The following TP73 variants were observed in gnomAD, a reference collection of about 807,000 sequenced individuals.
TP73 encodes p53-like transcription factor.
TP73 carries 25 observed loss-of-function variants against 62.5 expected under a neutral mutation model. The ratio of observed to expected loss-of-function variants is 0.40; its 90% CI spans 0.29 to 0.56. The LOEUF (loss-of-function observed/expected upper bound fraction) is 0.56. Ranked by LOEUF, TP73 falls within the 20% of genes least tolerant of loss-of-function variation. The pLI is 0.46. For synonymous variants in TP73, 423 were observed against 377.5 expected (o/e 1.12, Z -1.40); for missense variants, 754 against 913.3 (o/e 0.83, Z 2.25).
rs1645008958 is a variant in TP73, at chr1:3,662,168, C to G, written c.-34+9527C>G. On this transcript the variant is annotated intron_variant, in intron 1 of 13. Transcript: ENST00000378295. This position sits in a 1 kb window ranked among gnomAD's most constrained non-coding sequence, Gnocchi z 4.4. ...GACCAGGCACCTGCTGGAGCAGGAA[C>G]TCTTCCTTCACCGGCTTCTGTTGGG... The G allele has an allele frequency of 6.6e-6, 1 of 152,204 alleles. No homozygotes were observed. Among genetic ancestry groups the G allele is most frequent in the Non-Finnish European group, 1.5e-5 (1 of 68,058 alleles). The allele number at this position is 152,204 out of a possible 1,614,324, so 9.4% of individuals were successfully genotyped here.
rs984839589 is a variant in TP73 at position 3,690,648 on chromosome 1, G to C, written c.186+7468G>C. ...GGATGAATACTCATGAGGAATAAAG[G>C]GGTGGGCCGCGGGTTTTGTTGTTGG... is the stretch of plus-strand genomic sequence containing the variant. On this transcript the variant is annotated intron_variant, in intron 3 of 13. Transcript: ENST00000378295. 16 of 1,390,066 alleles carry C rather than the reference G, an allele frequency of 1.2e-5. No homozygotes were observed. In the South Asian group the frequency reaches 2.4e-4, roughly 21 times the overall value. 86.1% of individuals were successfully genotyped at this position (1,390,066 alleles called of 1,614,324 possible).
At chr1:3,706,498 G>A (rs1199480502) in intron 3 of TP73, among the ~76,000 whole-genome samples, 4 of 150,702 alleles carry the variant, frequency 2.7e-5, no homozygotes, top group African/African-American at 9.8e-5. Flanking sequence ...CACGGTGCCC[G>A]CCGCAGGCCC....
At chr1:3,704,928 G>A (rs970090941) in intron 3 of TP73, among the ~76,000 whole-genome samples, 1 of 152,242 alleles carries the variant, frequency 6.6e-6, no homozygotes, top group Non-Finnish European at 1.5e-5. Context: ...AGGAGCAGGA[G>A]TAGCCTTTCT....
chr1:3,691,799 C>T (rs908842698), intron 3 of TP73, among the ~76,000 whole-genome samples: 5 of 152,192 alleles, frequency 3.3e-5, no homozygotes, highest in South Asian at 2.1e-4. Context: ...CAGGGGGCAG[C>T]GGGCAGATAG....
chr1:3,713,644 C>CCCTG (rs1345673144), intron 4 of TP73, among the ~76,000 whole-genome samples: 1 of 152,188 alleles, frequency 6.6e-6, no homozygotes, highest in East Asian at 1.9e-4. Flanking sequence ...GAGGCCCAGC[C>CCCTG]CCTGCCTCTG....
chr1:3,658,012 G>A (rs1357109737), intron 1 of TP73, among the ~76,000 whole-genome samples: 3 of 152,362 alleles, frequency 2.0e-5, no homozygotes, highest in Admixed American at 1.3e-4. Context: ...CGGTCTGCGC[G>A]GAAGGGTCTG....
intron 9 of TP73, among the ~76,000 whole-genome samples, chr1:3,729,109 T>C (rs757971333): frequency 1.3e-5 from 2 of 152,220 alleles, no homozygotes; most frequent in African/African-American, 2.4e-5. Context: ...GGCATGGTTC[T>C]TGGGGACAGG....
chr1:3,708,875 G>A (rs111649424), intron 4 of TP73, among the ~76,000 whole-genome samples: 60 of 152,304 alleles, frequency 3.9e-4, no homozygotes, highest in African/African-American at 1.2e-3. Context: ...CCTCCCCCAC[G>A]AGGCCCCGCC....
intron 3 of TP73, among the ~76,000 whole-genome samples, chr1:3,697,798 T>C (rs577249985): frequency 3.9e-4 from 59 of 152,350 alleles, no homozygotes; most frequent in African/African-American, 1.4e-3. Context: ...AGAGCGGGGC[T>C]GGGTGATTCC....
chr1:3,656,923 C>A (rs1030342139), intron 1 of TP73, among the ~76,000 whole-genome samples: 2 of 152,206 alleles, frequency 1.3e-5, no homozygotes, highest in Non-Finnish European at 2.9e-5. Context: ...CCAGTGGGAA[C>A]CACTGATATT....
intron 3 of TP73, among the ~76,000 whole-genome samples, chr1:3,697,741 G>A (rs1215447936): frequency 6.6e-6 from 1 of 152,216 alleles, no homozygotes; most frequent in Non-Finnish European, 1.5e-5. Context: ...TGCACTGGGC[G>A]GGACCATCCG....
intron 1 of TP73, among the ~76,000 whole-genome samples, chr1:3,655,343 C>G (rs1644843298): frequency 1.3e-5 from 2 of 152,114 alleles, no homozygotes; most frequent in Admixed American, 1.3e-4. Context: ...GCCGAGATCA[C>G]CCCACTGCAC....
intron 7 of TP73, 192 bp from the exon 8 acceptor site, chr1:3,727,436 G>A (rs1319730460): frequency 1.0e-6 from 1 of 977,726 alleles, no homozygotes; most frequent in Non-Finnish European, 1.5e-6. Context: ...CCCCGGCGAG[G>A]TCTCAGGGCA....
At chr1:3,690,817 C>T (rs916325378) in intron 3 of TP73, 37 of 1,540,304 alleles carry the variant, frequency 2.4e-5, no homozygotes, top group Non-Finnish European at 2.9e-5. Flanking sequence ...CGGCCACGAC[C>T]GTGACCCTTC....
rs1311114060 is a variant in TP73 at position 3,666,567 on chromosome 1, G to T, written c.-34+13926G>T. On this transcript the variant is annotated intron_variant, in intron 1 of 13. Coordinates refer to ENST00000378295, the MANE Select transcript of TP73 (RefSeq NM_005427.4). The surrounding 1 kb of genome is among the most constrained non-coding windows in gnomAD (Gnocchi z 6.4). ...TGACAGTGAAGGTGGGTGCGTGGGC[G>T]GGGGGCTTTTAATGGTCCCTCTGCT... is the stretch of plus-strand genomic sequence containing the variant. 6.6e-6 allele frequency among the ~76,000 whole-genome samples: 1 copy of T among 152,076 alleles called. No individual in the cohort carries two copies. Among genetic ancestry groups the T allele is most frequent in the African/African-American group, 2.4e-5 (1 of 41,396 alleles).
chr1:3,729,521 G>C (rs989984102), intron 10 of TP73, 73 bp downstream of exon 10: 1 of 1,605,046 alleles, frequency 6.2e-7, no homozygotes, highest in Non-Finnish European at 8.5e-7. Flanking sequence ...AAGGCCAGGA[G>C]GACCAGAAAC....
chr1:3,720,298 G>A (rs1285949985), intron 4 of TP73, among the ~76,000 whole-genome samples: 1 of 152,220 alleles, frequency 6.6e-6, no homozygotes, highest in Non-Finnish European at 1.5e-5. Context: ...AAACAGGACT[G>A]GGGATGGGCG....
At chr1:3,700,948 T>C (rs1003292185) in intron 3 of TP73, among the ~76,000 whole-genome samples, 1 of 152,156 alleles carries the variant, frequency 6.6e-6, no homozygotes, top group Non-Finnish European at 1.5e-5. Flanking sequence ...TCCTGGCCGG[T>C]GAGGACAAAG....
At chr1:3,685,737 T>C (rs1369859090) in intron 3 of TP73, among the ~76,000 whole-genome samples, 2 of 152,192 alleles carry the variant, frequency 1.3e-5, no homozygotes, top group Admixed American at 1.3e-4. Flanking sequence ...AGAGTGGGGC[T>C]GGAGCTGAAC....
Sources: gnomAD v4.1 joint callset for allele counts (sites outside exome capture counted in the v4.1 genomes callset) on GRCh38, gnomAD v4.1.1 for gene constraint, Gnocchi (gnomAD v3.1) non-coding constraint, MANE v1.5 for transcripts, NCBI Gene and HGNC (gene_info 2026-07-23, HGNC 2026-07-21) for gene names.